BCR: variants seen among roughly 807,000 people sequenced by gnomAD.
BCR encodes BCR activator of RhoGEF and GTPase, also known as breakpoint cluster region protein.
In BCR, 58 loss-of-function variants were observed where a neutral mutation model predicts 138.6. The observed-to-expected ratio is 0.42, with a 90% CI of 0.34 to 0.52. BCR has a LOEUF of 0.52. Ranked by LOEUF, BCR falls within the 20% of genes least tolerant of loss-of-function variation. BCR has a pLI of 0.06. For synonymous variants in BCR, 786 were observed against 730.1 expected (o/e 1.08, Z -1.23); for missense variants, 1,599 against 1,727.2 (o/e 0.93, Z 1.32).
intron 8 of BCR, among the ~76,000 whole-genome samples, chr22:23,275,272 G>A (rs1164856116): frequency 6.6e-6 from 1 of 152,240 alleles, no homozygotes; most frequent in African/African-American, 2.4e-5. Flanking sequence ...CCCTGGAGCT[G>A]GGCAGACTCA....
At chr22:23,197,768 T>C (rs1249328830) in intron 1 of BCR, among the ~76,000 whole-genome samples, 1 of 151,712 alleles carries the variant, frequency 6.6e-6, no homozygotes, top group East Asian at 1.9e-4. Flanking sequence ...CAAAAGTGTG[T>C]GTGATGGTCC....
intron 1 of BCR, among the ~76,000 whole-genome samples, chr22:23,241,945 C>T (rs1307896185): frequency 6.6e-6 from 1 of 152,210 alleles, no homozygotes; most frequent in Non-Finnish European, 1.5e-5. Flanking sequence ...TCTCTCTCCT[C>T]TCACTGCCAG....
At chr22:23,198,949 G>A (rs548010611) in intron 1 of BCR, among the ~76,000 whole-genome samples, 3 of 152,094 alleles carry the variant, frequency 2.0e-5, no homozygotes, top group African/African-American at 7.2e-5. Flanking sequence ...GCGAAACCCG[G>A]TCTCTATTAC....
chr22:23,290,543 C>G, intron 14 of BCR, 130 bp downstream of exon 14: 1 of 945,798 alleles, frequency 1.1e-6, no homozygotes. Context: ...TTGACCCTGG[C>G]CGCTGTGGAG....
chr22:23,212,203 G>A (rs1454708135), intron 1 of BCR, among the ~76,000 whole-genome samples: 2 of 152,174 alleles, frequency 1.3e-5, no homozygotes, highest in Non-Finnish European at 2.9e-5. Flanking sequence ...GAGGAGAGAA[G>A]CCATCGAGCC....
chr22:23,261,548 A>G lies in BCR; in HGVS notation c.1752+8A>G, dbSNP rs1424428717. 2 of 1,610,490 alleles carry G rather than the reference A, an allele frequency of 1.2e-6. No homozygotes were observed. ...GACCTCTTCCAGAAGCTGGTGAGTA[A>G]CCCAGGGCCGGTGCTGGGACTACAG... On this transcript the variant is annotated splice_region_variant and intron_variant, in intron 4 of 22. Transcript: ENST00000305877.
intron 1 of BCR, among the ~76,000 whole-genome samples, chr22:23,205,462 A>G (rs2072601082): frequency 6.6e-6 from 1 of 152,118 alleles, no homozygotes; most frequent in Admixed American, 6.5e-5. Context: ...CTTTACTGGA[A>G]CTTTGCACTT....
At chr22:23,278,619 C>CCGGAGG (rs1327377896) in intron 8 of BCR, among the ~76,000 whole-genome samples, 2 of 152,154 alleles carry the variant, frequency 1.3e-5, no homozygotes, top group Admixed American at 1.3e-4. Flanking sequence ...CCCAGCTACT[C>CCGGAGG]CGGAGGCGGA....
chr22:23,289,396 G>T (rs906360012), intron 12 of BCR, 121 bp from the exon 13 acceptor site: 2 of 787,368 alleles, frequency 2.5e-6, no homozygotes, highest in Non-Finnish European at 4.2e-6. Context: ...GAGCCCCCAA[G>T]CCCTGGCACC....
At chr22:23,270,076 C>G (rs949237990) in intron 5 of BCR, among the ~76,000 whole-genome samples, 1 of 151,944 alleles carries the variant, frequency 6.6e-6, no homozygotes, top group African/African-American at 2.4e-5. Flanking sequence ...CAAAAAAGAC[C>G]CAGAGGAATT....
In BCR at chr22:23,295,234, T is replaced by C; in HGVS notation, c.3012+79T>C. On this transcript the variant is annotated intron_variant, in intron 16 of 22. Transcript: ENST00000305877. ...GCAGCCCCTGGGGACACTGAGATGG[T>C]CATGGCCTTGCACCCAGGGTGGGGT... is the stretch of plus-strand genomic sequence containing the variant. 4.0e-6 allele frequency: 4 copies of C among 988,690 alleles called. No homozygotes were observed. In the South Asian group the frequency reaches 4.2e-5, roughly 10 times the overall value. The allele number at this position is 988,690 out of a possible 1,614,324, so 61.2% of individuals were successfully genotyped here.
rs2073265475 is a variant in BCR at position 23,254,083 on chromosome 22, A to G, written c.1461+103A>G. ...TAGCAGGTAGGTGGTGGAGCAGCCAATGGTTTGGAAGCGAGTGGGTCACCA... is the reference window on the plus strand; with the variant it reads ...TAGCAGGTAGGTGGTGGAGCAGCCAGTGGTTTGGAAGCGAGTGGGTCACCA... On this transcript the variant is annotated intron_variant, in intron 2 of 22. Transcript: ENST00000305877. 6.6e-6 allele frequency: 9 copies of G among 1,357,050 alleles called. No individual in the cohort carries two copies. In the East Asian group the frequency reaches 2.0e-4, roughly 30 times the overall value. The allele number at this position is 1,357,050 out of a possible 1,614,324, so 84.1% of individuals were successfully genotyped here.
chr22:23,187,553 C>G (rs554159604), intron 1 of BCR, among the ~76,000 whole-genome samples: 1 of 150,920 alleles, frequency 6.6e-6, no homozygotes, highest in Non-Finnish European at 1.5e-5. Flanking sequence ...AGGCTGGCCT[C>G]GAACTCCTGG....
In BCR at chr22:23,181,077, G is replaced by C; in HGVS notation, c.117G>C (p.Lys39Asn). The C allele has an allele frequency of 6.6e-7, 1 of 1,520,072 alleles. No homozygotes were observed. Among genetic ancestry groups the C allele is most frequent in the Non-Finnish European group, 8.9e-7 (1 of 1,128,448 alleles). 94.2% of individuals were successfully genotyped at this position (1,520,072 alleles called of 1,614,324 possible). A position where few individuals can be genotyped will look rare whatever the true frequency, so the allele number is the denominator to read the frequency against. The change falls in exon 1 of 23, where the codon AAG becomes AAC. Residue 39 changes from lysine (K) to asparagine (N), a missense_variant. Around this residue, in one of 4 missense-constraint regions of BCR, gnomAD observed 806 missense variants for 635.0 expected, o/e 1.27. Coordinates refer to ENST00000305877, the MANE Select transcript of BCR (RefSeq NM_004327.4). ...GDIEQELERC[K>N]ASIRRLEQEV... ...TCGAGCAGGAGCTGGAGCGCTGCAA[G>C]GCCTCCATTCGGCGCCTGGAGCAGG...
chr22:23,254,811 G>A (rs966299537), intron 2 of BCR, among the ~76,000 whole-genome samples: 1 of 152,158 alleles, frequency 6.6e-6, no homozygotes, highest in Non-Finnish European at 1.5e-5. Flanking sequence ...GCTCCTTTTT[G>A]TCTTTTTGGT....
intron 1 of BCR, among the ~76,000 whole-genome samples, chr22:23,245,041 TG>T (rs951809545): frequency 2.0e-5 from 3 of 152,158 alleles, no homozygotes; most frequent in Admixed American, 1.3e-4. Flanking sequence ...ACTCGGCTTG[TG>T]GAGGAAAACG....
intron 8 of BCR, among the ~76,000 whole-genome samples, chr22:23,282,312 C>T (rs1041266221): frequency 2.6e-5 from 4 of 152,244 alleles, no homozygotes; most frequent in African/African-American, 7.2e-5. Flanking sequence ...ACCAGGCAGC[C>T]GTCTGCCCTC....
intron 4 of BCR, chr22:23,264,615 T>C: frequency 3.2e-6 from 1 of 312,392 alleles, no homozygotes; most frequent in African/African-American, 2.1e-5. Context: ...ACCTCGGCCC[T>C]GCGACTCTGT....
rs144902732 is a variant in BCR at position 23,289,536 on chromosome 22, G to A, written c.2622G>A (p.Leu874=). 2 of 1,614,184 alleles carry A rather than the reference G, an allele frequency of 1.2e-6. No individual in the cohort carries two copies. Among genetic ancestry groups the A allele is most frequent in the Non-Finnish European group, 1.7e-6 (2 of 1,180,010 alleles). The stretch of plus-strand genomic sequence containing the variant: ...TCCCAGGTTTCAGAAGCTTCTCCCT[G>A]ACATCCGTGGAGCTGCAGATGCTGA... ...QQKKCFRSFS[L]TSVELQMLTN... The change falls in exon 13 of 23, where the codon CTG becomes CTA. Residue 874 remains leucine, a synonymous_variant. Coordinates refer to ENST00000305877, the MANE Select transcript of BCR (RefSeq NM_004327.4).
Sources: allele counts gnomAD v4.1 joint callset (sites outside exome capture counted in the v4.1 genomes callset), GRCh38; gene constraint gnomAD v4.1.1; regional missense constraint gnomAD v4.1.1; transcripts MANE v1.5; gene names NCBI Gene and HGNC (gene_info 2026-07-23, HGNC 2026-07-21).